The following VPS29 variants were observed in gnomAD, a reference collection of about 807,000 sequenced individuals.
VPS29 encodes the protein vacuolar protein sorting-associated protein 29.
A neutral mutation model predicts 20.0 loss-of-function variants in VPS29; 2 were observed. The observed-to-expected ratio is 0.10, with a 90% CI of 0.04 to 0.31. The LOEUF is 0.31. Among genes scored for constraint, VPS29 ranks in the 10% least tolerant of loss-of-function variants. The probability of loss-of-function intolerance (pLI) is 1.00; values close to 1 mark genes in which losing one functional copy is unlikely to be tolerated. For missense variants in VPS29, 120 were observed against 215.3 expected (o/e 0.56, Z 2.77); for synonymous variants, 81 against 79.3 (o/e 1.02, Z -0.12).
chr12:110,497,207 C>CTTTTTTT (rs71083128), intron 1 of VPS29, among the ~76,000 whole-genome samples: 15 of 77,206 alleles, frequency 1.9e-4, no homozygotes, highest in South Asian at 5.8e-4. Flanking sequence ...AAATTTCTTT[C>CTTTTTTT]TTTTTTTTTT....
chr12:110,494,755 T>A (rs2062875465), intron 2 of VPS29, among the ~76,000 whole-genome samples: 4 of 152,090 alleles, frequency 2.6e-5, no homozygotes, highest in Admixed American at 2.6e-4. Flanking sequence ...AGTTTCACTC[T>A]GTCGCCCAGG....
intron 1 of VPS29, chr12:110,501,747 C>T (rs2063056311): frequency 2.7e-6 from 3 of 1,123,580 alleles, no homozygotes; most frequent in Non-Finnish European, 3.9e-6. Context: ...GACCAAAGGC[C>T]TTCCCTGGCT....
chr12:110,498,522 A>G (rs1346389669), intron 1 of VPS29, among the ~76,000 whole-genome samples: 1 of 152,258 alleles, frequency 6.6e-6, no homozygotes, highest in African/African-American at 2.4e-5. Context: ...AATGATTACC[A>G]AAAGAAGCTT....
chr12:110,501,782 T>G (rs1008075979), intron 1 of VPS29: 4 of 1,081,960 alleles, frequency 3.7e-6, no homozygotes, highest in Non-Finnish European at 5.5e-6. Context: ...TCGTGACAGG[T>G]CGGGCTGCTA....
chr12:110,495,945 G>T, intron 2 of VPS29, 67 bp downstream of exon 2: 2 of 1,364,798 alleles, frequency 1.5e-6, no homozygotes, highest in East Asian at 2.4e-5. Flanking sequence ...CTGGTCTAAA[G>T]ATAAAGCTTA....
At chr12:110,500,905 C>A (rs1283952080) in intron 1 of VPS29, among the ~76,000 whole-genome samples, 1 of 152,072 alleles carries the variant, frequency 6.6e-6, no homozygotes, top group Non-Finnish European at 1.5e-5. Context: ...ACAGGCCGGG[C>A]GCGGTGGCTC....
At chr12:110,496,347 A>G in intron 1 of VPS29, 144 bp from the exon 2 acceptor site, 1 of 674,078 alleles carries the variant, frequency 1.5e-6, no homozygotes, top group East Asian at 2.8e-5. Flanking sequence ...ATGACTATTT[A>G]TTTAATCTCA....
chr12:110,501,718 CG>C (rs1172033101), intron 1 of VPS29: 7 of 1,265,300 alleles, frequency 5.5e-6, no homozygotes, highest in Non-Finnish European at 7.8e-6. Context: ...CCCCTATCCC[CG>C]GAACATTCGA....
intron 1 of VPS29, among the ~76,000 whole-genome samples, chr12:110,497,204 TTTC>T (rs2062920830): frequency 7.7e-6 from 1 of 130,714 alleles, no homozygotes; most frequent in Non-Finnish European, 1.6e-5. Flanking sequence ...TAAAAATTTC[TTTC>T]TTTTTTTTTT....
intron 1 of VPS29, chr12:110,498,811 T>C (rs1250711282): frequency 1.0e-5 from 10 of 983,402 alleles, no homozygotes; most frequent in Non-Finnish European, 1.2e-5. Context: ...GTAATCAACA[T>C]AAAAGTACCT....
chr12:110,501,640 C>T (rs1168163883), intron 1 of VPS29: 8 of 1,531,922 alleles, frequency 5.2e-6, no homozygotes, highest in African/African-American at 1.4e-5. Flanking sequence ...TCCACCACTA[C>T]ACCCCAACCA....
In VPS29 at chr12:110,496,061, A is replaced by T; in HGVS notation, c.146T>A (p.Leu49His). The T allele has an allele frequency of 6.2e-7, 1 of 1,610,558 alleles. No homozygotes were observed. Among genetic ancestry groups the T allele is most frequent in the Admixed American group, 1.7e-5 (1 of 59,984 alleles). Residue 49 changes from leucine to histidine, a missense_variant, in exon 2 of 4, where the codon CTC becomes CAC. Physicochemically the swap from Leu to His is moderately conservative, Grantham distance 99 (BLOSUM62 -3). Coordinates refer to ENST00000549578, the MANE Select transcript of VPS29 (RefSeq NM_016226.5). ...ATGAACATCACCAGCCAGAGTCTTGAGATAGTCATAACTCTCTTTGGTGCA... is the reference window on the plus strand; with the variant it reads ...ATGAACATCACCAGCCAGAGTCTTGTGATAGTCATAACTCTCTTTGGTGCA... ...NLCTKESYDY[L>H]KTLAGDVHIV... is the part of the protein sequence containing the mutation.
chr12:110,499,535 T>C, intron 1 of VPS29: 1 of 1,612,362 alleles, frequency 6.2e-7, no homozygotes, highest in South Asian at 1.1e-5. Context: ...AGAAACTTAC[T>C]CTGTGCCCAG....
At chr12:110,500,708 C>T (rs1351559879) in intron 1 of VPS29, among the ~76,000 whole-genome samples, 1 of 151,212 alleles carries the variant, frequency 6.6e-6, no homozygotes, top group Non-Finnish European at 1.5e-5. Context: ...CAACCTCCAT[C>T]AACACAAATA....
intron 2 of VPS29, 151 bp from the exon 3 acceptor site, chr12:110,493,382 CAG>C (rs1276947798): frequency 2.4e-5 from 12 of 498,642 alleles, no homozygotes; most frequent in African/African-American, 1.3e-4. Context: ...TTTTTTGAGA[CAG>C]AGTGTTGCTA....
intron 1 of VPS29, chr12:110,498,857 C>G: frequency 1.0e-6 from 1 of 983,580 alleles, no homozygotes. Flanking sequence ...AGGGGGATTC[C>G]TTCTGATATG....
In VPS29 at chr12:110,496,118, T is replaced by C; in HGVS notation, c.89A>G (p.Lys30Arg). ...AKFKKLLVPGKIQHILCTGNL... is the reference protein window; with the variant it reads ...AKFKKLLVPGRIQHILCTGNL... ...TCCTGTGCAGAGAATGTGCTGAATT[T>C]TTCCTGGCACCAGGAGTTTTTTGAA... The change falls in exon 2 of 4, where the codon AAA becomes AGA. Residue 30 changes from lysine (K) to arginine (R), a missense_variant. Coordinates refer to ENST00000549578, the MANE Select transcript of VPS29 (RefSeq NM_016226.5). The C allele has an allele frequency of 6.2e-7, 1 of 1,614,082 alleles. No homozygotes were observed. The highest frequency in any genetic ancestry group is 8.5e-7 in the Non-Finnish European group (1 of 1,179,972).
chr12:110,497,203 C>CTT (rs2062920496), intron 1 of VPS29, among the ~76,000 whole-genome samples: 4 of 87,010 alleles, frequency 4.6e-5, no homozygotes, highest in African/African-American at 1.7e-4. Context: ...TTAAAAATTT[C>CTT]TTTCTTTTTT....
chr12:110,501,672 A>C, intron 1 of VPS29: 3 of 1,502,156 alleles, frequency 2.0e-6, no homozygotes, highest in Non-Finnish European at 2.7e-6. Context: ...TTTTTGCGGG[A>C]AACGAGTAGG....
Sources: allele counts gnomAD v4.1 joint callset (sites outside exome capture counted in the v4.1 genomes callset), GRCh38; gene constraint gnomAD v4.1.1; transcripts MANE v1.5; gene names NCBI Gene and HGNC (gene_info 2026-07-23, HGNC 2026-07-21).